Variants in LRP8 observed in about 807,000 individuals in gnomAD.
LRP8 encodes low-density lipoprotein receptor-related protein 8.
Under a neutral mutation model 111.6 loss-of-function variants are expected in LRP8, and 46 were observed. That is an observed-to-expected ratio of 0.41 (90% CI 0.33 to 0.53). The LOEUF (loss-of-function observed/expected upper bound fraction) is 0.53, where lower values mean the gene tolerates loss of function less well. Ranked by LOEUF, LRP8 falls within the 20% of genes least tolerant of loss-of-function variation. The pLI is 0.20. For synonymous variants in LRP8, 464 were observed against 511.2 expected, an observed-to-expected ratio of 0.91 and a Z score of 1.24; for missense variants, 959 against 1,297.4, an observed-to-expected ratio of 0.74 and a Z score of 4.01.
chr1:53,254,489 T>C (rs369190100), intron 16 of LRP8, among the ~76,000 whole-genome samples: 13 of 152,006 alleles, frequency 8.6e-5, no homozygotes, highest in Middle Eastern at 3.2e-3. Context: ...CTCAGCACTG[T>C]CTCTGAAGTC....
Position 53,249,343 on chromosome 1 carries a change from T to C in LRP8, c.2853+37A>G. On this transcript the variant is annotated intron_variant, in intron 18 of 18. Coordinates refer to ENST00000306052, the MANE Select transcript of LRP8 (RefSeq NM_004631.5). The surrounding 1 kb of genome is among the most constrained non-coding windows in gnomAD (Gnocchi z 4.1). ...CGCCTGCCTTGGTTCATGCCCTCAC[T>C]CACCAGCCCCTCAGACTTAGAGTGG... 6.2e-7 allele frequency: 1 copy of C among 1,602,706 alleles called. No individual in the cohort carries two copies. Among genetic ancestry groups the C allele is most frequent in the Non-Finnish European group, 8.5e-7 (1 of 1,173,734 alleles).
At chr1:53,325,068 G>C (rs1241906317) in intron 2 of LRP8, among the ~76,000 whole-genome samples, 2 of 152,236 alleles carry the variant, frequency 1.3e-5, no homozygotes, top group Non-Finnish European at 2.9e-5. Context: ...CAGACACGCA[G>C]TTTCTATTCC....
Position 53,327,851 on chromosome 1 carries a change from A to T in LRP8, c.62T>A (p.Leu21Gln). Residue 21 changes from leucine (L) to glutamine (Q), a missense_variant, in exon 1 of 19, where the codon CTG (leucine) becomes CAG (glutamine). This residue lies in a region of LRP8 where 97 missense variants were observed against 107.5 expected (regional missense o/e 0.90). Transcript: ENST00000306052. ...LLALLLLLLL[L>Q]LLLQLQHLAA... ...AAGATGCTGGAGCTGCAGCAGCAGCAGCAGCAGCAGCAGCAGCAGCAGCGC... is the reference window on the plus strand; with the variant it reads ...AAGATGCTGGAGCTGCAGCAGCAGCTGCAGCAGCAGCAGCAGCAGCAGCGC... The T allele has an allele frequency of 6.7e-7, 1 of 1,503,502 alleles. No individual in the cohort carries two copies. Among genetic ancestry groups the T allele is most frequent in the Admixed American group, 2.0e-5 (1 of 49,292 alleles). 93.1% of individuals were successfully genotyped at this position (1,503,502 alleles called of 1,614,324 possible). A position where few individuals can be genotyped will look rare whatever the true frequency, so the allele number is the denominator to read the frequency against.
At chr1:53,314,185 A>T (rs569582207) in intron 2 of LRP8, among the ~76,000 whole-genome samples, 232 of 152,340 alleles carry the variant, frequency 1.5e-3, no homozygotes, top group African/African-American at 5.3e-3. Context: ...GCTGTGCCAC[A>T]GTCATTGCAG....
intron 2 of LRP8, among the ~76,000 whole-genome samples, chr1:53,298,323 G>A (rs773972440): frequency 3.3e-5 from 5 of 152,298 alleles, no homozygotes; most frequent in Non-Finnish European, 4.4e-5. Flanking sequence ...GGTTGCAGGA[G>A]GTATTGAACG....
Position 53,276,988 on chromosome 1 carries a change from C to G in LRP8, c.587G>C (p.Ser196Thr). The G allele has an allele frequency of 6.6e-7, 1 of 1,512,928 alleles. No homozygotes were observed. Among genetic ancestry groups the G allele is most frequent in the Non-Finnish European group, 8.8e-7 (1 of 1,134,132 alleles). The allele number at this position is 1,512,928 out of a possible 1,614,324, so 93.7% of individuals were successfully genotyped here. The change falls in exon 5 of 19, where the codon AGC becomes ACC. Residue 196 changes from serine (S) to threonine (T), a missense_variant. Coordinates refer to ENST00000306052, the MANE Select transcript of LRP8 (RefSeq NM_004631.5). ...CDGDDDCGDG[S>T]DERGCADPAC... ...CGGGTCTGCACAGCCGCGCTCATCG[C>G]TGCCGTCACCACAGTCGTCGTCGCC...
chr1:53,269,655 T>G (rs1646700018), intron 8 of LRP8, among the ~76,000 whole-genome samples: 1 of 152,098 alleles, frequency 6.6e-6, no homozygotes, highest in African/African-American at 2.4e-5. Flanking sequence ...CAGTGAGGGC[T>G]TCCCTGACCA....
intron 2 of LRP8, among the ~76,000 whole-genome samples, chr1:53,299,979 G>C (rs1239528374): frequency 6.6e-6 from 1 of 152,256 alleles, no homozygotes. Context: ...GTCCCTTACA[G>C]TCCACTCCTG....
chr1:53,285,918 C>G (rs1572545762), intron 3 of LRP8, among the ~76,000 whole-genome samples: 1 of 152,352 alleles, frequency 6.6e-6, no homozygotes, highest in East Asian at 1.9e-4. Context: ...TCATGAAACT[C>G]TGTATCCTGG....
chr1:53,285,324 C>T (rs1434756365), intron 3 of LRP8, among the ~76,000 whole-genome samples: 3 of 152,126 alleles, frequency 2.0e-5, no homozygotes, highest in African/African-American at 7.2e-5. Context: ...AGGAAGGGGA[C>T]TCACTGAGCC....
rs1246456902 is a variant in LRP8 at position 53,244,370 on chromosome 1, T to C, written c.*2648A>G. The C allele has an allele frequency of 7.9e-5, 12 of 152,248 alleles. No homozygotes were observed. The highest frequency in any genetic ancestry group is 7.9e-4 in the Admixed American group (12 of 15,282). The allele number at this position is 152,248 out of a possible 1,614,324, so 9.4% of individuals were successfully genotyped here. A position where few individuals can be genotyped will look rare whatever the true frequency, so the allele number is the denominator to read the frequency against. ...TTCCAGCTCTATAGTCCAGTGACTC[T>C]GTGATCTGTGATTGGCTGTAGATAG... On this transcript the variant is annotated 3_prime_UTR_variant, in exon 19 of 19. Transcript: ENST00000306052.
chr1:53,264,218 T>A lies in LRP8; in HGVS notation c.1606A>T (p.Ser536Cys). The A allele has an allele frequency of 6.2e-7, 1 of 1,614,098 alleles. No individual in the cohort carries two copies. The highest frequency in any genetic ancestry group is 8.5e-7 in the Non-Finnish European group (1 of 1,180,022). The change falls in exon 10 of 19, where the codon AGC (serine) becomes TGC (cysteine). Residue 536 changes from serine (S) to cysteine (C), a missense_variant. Physicochemically the swap from Ser to Cys is moderately radical, Grantham distance 112. Around this residue, in one of 3 missense-constraint regions of LRP8, gnomAD observed 819 missense variants for 1,097.6 expected, o/e 0.75. Coordinates refer to ENST00000306052, the MANE Select transcript of LRP8 (RefSeq NM_004631.5). Reference protein sequence around the residue: ...VDGGRRRTLFSRNLSEPRAIA... With the variant: ...VDGGRRRTLFCRNLSEPRAIA... The stretch of plus-strand genomic sequence containing the variant: ...GCCCGGGGTTCACTGAGGTTACGGC[T>A]GAAGAGAGTGCGTCGGCGGCCACCA...
intron 2 of LRP8, among the ~76,000 whole-genome samples, chr1:53,301,633 G>A (rs535732297): frequency 6.6e-6 from 1 of 152,104 alleles, no homozygotes; most frequent in East Asian, 1.9e-4. Flanking sequence ...TGGGAGGCTG[G>A]GGTGGTCGGC....
At chr1:53,274,650 G>A (rs1397452580) in intron 6 of LRP8, 1 of 455,606 alleles carries the variant, frequency 2.2e-6, no homozygotes, top group Non-Finnish European at 4.4e-6. Context: ...TACCAGGAGG[G>A]GGATGGTAGG....
chr1:53,319,968 C>T (rs1654287934), intron 2 of LRP8, among the ~76,000 whole-genome samples: 1 of 152,284 alleles, frequency 6.6e-6, no homozygotes, highest in African/African-American at 2.4e-5. Flanking sequence ...CTCAGACCTG[C>T]AGCCAGACAG....
At position 53,249,328 on chromosome 1, in the gene LRP8, G is replaced by A. The variant is rs1276725181; in HGVS notation, c.2853+52C>T. ...TTCTAGGATTGGCTGCGCCTGCCTT[G>A]GTTCATGCCCTCACTCACCAGCCCC... On this transcript the variant is annotated intron_variant, in intron 18 of 18. Coordinates refer to ENST00000306052, the MANE Select transcript of LRP8 (RefSeq NM_004631.5). The surrounding 1 kb of genome is among the most constrained non-coding windows in gnomAD (Gnocchi z 4.1). The A allele has an allele frequency of 1.9e-6, 3 of 1,576,518 alleles. No homozygotes were observed. Among genetic ancestry groups the A allele is most frequent in the Admixed American group, 3.6e-5 (2 of 55,436 alleles).
chr1:53,313,232 T>C (rs1288479), intron 2 of LRP8, among the ~76,000 whole-genome samples: 59,603 of 152,114 alleles, frequency 0.39, 13,043 homozygotes, highest in African/African-American at 0.6. Context: ...CTCCCCAGGT[T>C]CTGGCAGGGC....
chr1:53,285,026 C>CA (rs1487716257), intron 3 of LRP8, among the ~76,000 whole-genome samples: 1 of 152,238 alleles, frequency 6.6e-6, no homozygotes, highest in African/African-American at 2.4e-5. Flanking sequence ...CGCAGGGTCC[C>CA]AGGTCAGGCC....
At chr1:53,276,445 G>A (rs1646920208) in intron 5 of LRP8, among the ~76,000 whole-genome samples, 1 of 152,066 alleles carries the variant, frequency 6.6e-6, no homozygotes, top group African/African-American at 2.4e-5. Flanking sequence ...AAGTACGACT[G>A]GGAGGGCTCA....
Sources: gnomAD v4.1 joint callset for allele counts (sites outside exome capture counted in the v4.1 genomes callset) on GRCh38, gnomAD v4.1.1 for gene constraint, gnomAD v4.1.1 regional missense constraint, Gnocchi (gnomAD v3.1) non-coding constraint, MANE v1.5 for transcripts, NCBI Gene and HGNC (gene_info 2026-07-23, HGNC 2026-07-21) for gene names.